The following VEGFD variants were observed in gnomAD, a reference collection of about 807,000 sequenced individuals.
The protein encoded by VEGFD is c-fos induced growth factor (vascular endothelial growth factor D).
In VEGFD, 26 loss-of-function variants were observed where a neutral mutation model predicts 28.0. That is an observed-to-expected ratio of 0.93 (90% confidence interval 0.68 to 1.29). The LOEUF (loss-of-function observed/expected upper bound fraction) is 1.29. Among genes scored for constraint, VEGFD ranks in the 50% most tolerant of loss-of-function variants. The probability of loss-of-function intolerance (pLI) is 0.00; values close to 1 mark genes in which losing one functional copy is unlikely to be tolerated. For synonymous variants in VEGFD, 93 were observed against 95.5 expected (o/e 0.97, Z 0.15); for missense variants, 294 against 273.4 (o/e 1.08, Z -0.53).
Position 15,383,861 on chromosome X carries a change from A to T in VEGFD, c.86T>A (p.Val29Glu), listed in dbSNP as rs763564779. Reference protein sequence around the residue: ...VQGSSNEHGPVKRSSQSTLER... With the variant: ...VQGSSNEHGPEKRSSQSTLER... ...TTAAAAATTGAGCTCACCTACCTTC[A>T]CTGGTCCATGTTCATTACTGGAGCC... The change falls in exon 1 of 7, where the codon GTG (valine) becomes GAG (glutamate). Residue 29 changes from valine to glutamate, a missense_variant. Transcript: ENST00000297904. The T allele has an allele frequency of 8.3e-7, 1 of 1,204,576 alleles. No individual in the cohort carries two copies. Among genetic ancestry groups the T allele is most frequent in the South Asian group, 1.8e-5 (1 of 56,790 alleles).
intron 3 of VEGFD, among the ~76,000 whole-genome samples, chrX:15,356,050 T>C (rs12835323): frequency 0.08 from 8,998 of 112,205 alleles, 463 homozygotes; most frequent in African/African-American, 0.19. Flanking sequence ...AAACAAATAA[T>C]TATAGCTAAC....
chrX:15,359,210 A>C (rs778498690), intron 2 of VEGFD, among the ~76,000 whole-genome samples: 52 of 110,204 alleles, frequency 4.7e-4, no homozygotes, highest in African/African-American at 1.6e-3. Flanking sequence ...TATGAAGAGA[A>C]TACAGCAAAA....
At chrX:15,371,223 G>T (rs1923301070) in intron 1 of VEGFD, among the ~76,000 whole-genome samples, 1 of 111,826 alleles carries the variant, frequency 8.9e-6, no homozygotes, top group Non-Finnish European at 1.9e-5. Flanking sequence ...AGTGCACCAG[G>T]TTAACTTGAA....
chrX:15,382,168 A>C (rs1436678055), intron 1 of VEGFD, among the ~76,000 whole-genome samples: 4 of 110,287 alleles, frequency 3.6e-5, no homozygotes, highest in Non-Finnish European at 3.8e-5. Flanking sequence ...AAAATACAAA[A>C]AATTAGCCCG....
At position 15,358,008 on chromosome X, in the gene VEGFD, T is replaced by C. The variant is rs746699422; in HGVS notation, c.487A>G (p.Lys163Glu). 3 of 1,209,923 alleles carry C rather than the reference T, an allele frequency of 2.5e-6. No homozygotes were observed. The highest frequency in any genetic ancestry group is 3.4e-6 in the Non-Finnish European group (3 of 894,341). Reference sequence around the variant, plus strand: ...GCTTGCCGATGTCCTTATACCTGTTTGGAAATGTACGAGGTGCTGGTGTTC... The same window carrying C: ...GCTTGCCGATGTCCTTATACCTGTTCGGAAATGTACGAGGTGCTGGTGTTC... ...CMNTSTSYIS[K>E]QLFEISVPLT... Residue 163 changes from lysine (K) to glutamate (E), a missense_variant, in exon 3 of 7, where the codon AAA becomes GAA. Coordinates refer to ENST00000297904, the MANE Select transcript of VEGFD (RefSeq NM_004469.5).
chrX:15,383,902 G>T lies in VEGFD; in HGVS notation c.45C>A (p.Tyr15Ter). ...TACTGGAGCCCTGCACCAGCTGGACGTACAACATCATGAAAACATTCACCA... is the reference window on the plus strand; with the variant it reads ...TACTGGAGCCCTGCACCAGCTGGACTTACAACATCATGAAAACATTCACCA... ...WVVVNVFMML[Y>*]VQLVQGSSNE... The change falls in exon 1 of 7, where the codon TAC becomes TAA. Residue 15 changes from tyrosine (Y) to a stop codon, truncating the protein, a stop_gained. Transcript: ENST00000297904. LOFTEE classifies it high-confidence loss of function. 1 of 1,209,346 alleles carries T rather than the reference G, an allele frequency of 8.3e-7. No individual in the cohort carries two copies. The highest frequency in any genetic ancestry group is 1.1e-6 in the Non-Finnish European group (1 of 893,377).
intron 1 of VEGFD, among the ~76,000 whole-genome samples, chrX:15,369,549 C>A (rs1923257888): frequency 9.0e-6 from 1 of 111,546 alleles, no homozygotes; most frequent in South Asian, 3.7e-4. Context: ...TCACACAAGG[C>A]TGATGAAACT....
intron 1 of VEGFD, among the ~76,000 whole-genome samples, chrX:15,369,843 A>G (rs976783874): frequency 8.9e-6 from 1 of 112,091 alleles, no homozygotes; most frequent in Non-Finnish European, 1.9e-5. Context: ...AAATTTTTAA[A>G]AAGAGGAAGG....
chrX:15,347,495 A>AT, intron 5 of VEGFD, 136 bp from the exon 6 acceptor site: 2 of 419,391 alleles, frequency 4.8e-6, no homozygotes, highest in Non-Finnish European at 7.8e-6. Context: ...TATGCCCCTA[A>AT]TTTTTTCACA....
In VEGFD at chrX:15,347,373, G is replaced by C; in HGVS notation, c.743-14C>G. Reference sequence around the variant, plus strand: ...GATGAGAGTGGTCTAAAGAGAAACAGAAACGTGTTGGTCAGATAGTTGTAG... The same window carrying C: ...GATGAGAGTGGTCTAAAGAGAAACACAAACGTGTTGGTCAGATAGTTGTAG... On this transcript the variant is annotated splice_polypyrimidine_tract_variant and intron_variant, in intron 5 of 6. Coordinates refer to ENST00000297904, the MANE Select transcript of VEGFD (RefSeq NM_004469.5). The C allele has an allele frequency of 8.5e-7, 1 of 1,174,740 alleles. No individual in the cohort carries two copies. Among genetic ancestry groups the C allele is most frequent in the Middle Eastern group, 2.7e-4 (1 of 3,676 alleles).
chrX:15,375,313 G>GA (rs1923410065), intron 1 of VEGFD, among the ~76,000 whole-genome samples: 2 of 111,844 alleles, frequency 1.8e-5, no homozygotes, highest in African/African-American at 6.5e-5. Flanking sequence ...AGTGTGTAAA[G>GA]AAAAAAACAA....
At chrX:15,368,063 A>AAAG (rs1569186686) in intron 1 of VEGFD, among the ~76,000 whole-genome samples, 16 of 106,086 alleles carry the variant, frequency 1.5e-4, no homozygotes, top group South Asian at 1.3e-3. Context: ...GAAAGAAAGG[A>AAAG]AAGAAAGAAA....
Position 15,355,155 on chromosome X carries a change from T to A in VEGFD, c.636A>T (p.Glu212Asp). The change falls in exon 4 of 7, where the codon GAA becomes GAT. Residue 212 changes from glutamate to aspartate, a missense_variant. Glu to Asp is a conservative substitution (Grantham distance 45). Transcript: ENST00000297904. ...AAAAAAACAAAAGTGCTTACCGATC[T>A]TCTTCAGGGATCTGGATGGATCTTC... Reference protein sequence around the residue: ...IIRRSIQIPEEDRCSHSKKLC... With the variant: ...IIRRSIQIPEDDRCSHSKKLC... The A allele has an allele frequency of 4.3e-6, 5 of 1,167,650 alleles. No individual in the cohort carries two copies. The highest frequency in any genetic ancestry group is 4.5e-6 in the Non-Finnish European group (4 of 881,104).
chrX:15,360,617 G>A (rs142629055), intron 2 of VEGFD, among the ~76,000 whole-genome samples: 1,994 of 111,512 alleles, frequency 0.018, 38 homozygotes, highest in African/African-American at 0.062. Flanking sequence ...GATTAAAGGC[G>A]TGAGCCACTG....
chrX:15,379,982 T>C (rs1017301250), intron 1 of VEGFD, among the ~76,000 whole-genome samples: 5 of 112,521 alleles, frequency 4.4e-5, no homozygotes, highest in African/African-American at 1.6e-4. Context: ...AATAATACGC[T>C]ATAGTGATAT....
At chrX:15,351,691 T>A (rs773217256) in intron 5 of VEGFD, among the ~76,000 whole-genome samples, 2 of 111,634 alleles carry the variant, frequency 1.8e-5, no homozygotes, top group East Asian at 5.6e-4. Flanking sequence ...AAATAGAGAG[T>A]CTAAATTGAG....
At chrX:15,351,035 T>A (rs1421757551) in intron 5 of VEGFD, among the ~76,000 whole-genome samples, 2 of 75,952 alleles carry the variant, frequency 2.6e-5, no homozygotes, top group African/African-American at 1.2e-4. Context: ...CTATTTTTTT[T>A]TTTTTTTTTT....
chrX:15,355,033 A>T (rs915943225), intron 4 of VEGFD, 117 bp downstream of exon 4: 5 of 647,448 alleles, frequency 7.7e-6, no homozygotes, highest in Non-Finnish European at 8.8e-6. Flanking sequence ...AAGCTAAAAT[A>T]TGAATAATTT....
intron 1 of VEGFD, among the ~76,000 whole-genome samples, chrX:15,383,171 AATAT>A (rs1421348395): frequency 3.6e-5 from 4 of 111,889 alleles, no homozygotes; most frequent in Non-Finnish European, 7.5e-5. Flanking sequence ...AGAAGCTTAA[AATAT>A]ATATAATCCA....
Sources: allele counts gnomAD v4.1 joint callset (sites outside exome capture counted in the v4.1 genomes callset), GRCh38; gene constraint gnomAD v4.1.1; transcripts MANE v1.5; gene names NCBI Gene and HGNC (gene_info 2026-07-23, HGNC 2026-07-21).